The following HIVEP3 variants were observed in gnomAD, a reference collection of about 807,000 sequenced individuals.
HIVEP3 encodes the protein transcription factor HIVEP3.
In HIVEP3, 49 loss-of-function variants were observed where a neutral mutation model predicts 152.8. The ratio of observed to expected loss-of-function variants is 0.32; its 90% CI spans 0.26 to 0.41. The LOEUF is 0.41. Among genes scored for constraint, HIVEP3 ranks in the 10% least tolerant of loss-of-function variants. The pLI, the probability that HIVEP3 is intolerant of heterozygous loss-of-function variation, is 1.00. For missense variants in HIVEP3, 2,790 were observed against 3,103.3 expected (o/e 0.90, Z 2.40); for synonymous variants, 1,269 against 1,289.0 (o/e 0.98, Z 0.33).
Position 41,944,073 on chromosome 1 carries a change from T to C in HIVEP3, n.120-25549A>G, listed in dbSNP as rs1570832221. The stretch of plus-strand genomic sequence containing the variant: ...ATATGAGGTACTTAGAGTAATAAAA[T>C]TCATAGAGACAGAAAGTGGAATGAT... On this transcript the variant is annotated intron_variant and non_coding_transcript_variant, in intron 1 of 3. Transcript: ENST00000489103. Among the ~76,000 whole-genome samples, 5 of 152,270 alleles carry C rather than the reference T, an allele frequency of 3.3e-5. No homozygotes were observed. The South Asian group carries it at 1.0e-3, about 32-fold the overall frequency.
chr1:41,794,716 T>C (rs565479818), intron 1 of HIVEP3, among the ~76,000 whole-genome samples: 1 of 152,378 alleles, frequency 6.6e-6, no homozygotes, highest in South Asian at 2.1e-4. Flanking sequence ...AACTAAACTT[T>C]TCCCATGTTT....
chr1:41,850,628 C>T (rs552337619), intron 1 of HIVEP3, among the ~76,000 whole-genome samples: 2 of 152,304 alleles, frequency 1.3e-5, no homozygotes, highest in East Asian at 3.9e-4. Flanking sequence ...CCTTCTGGTC[C>T]TCCATGCCGA....
chr1:42,010,094 T>C (rs1645484559), intron 1 of HIVEP3, among the ~76,000 whole-genome samples: 1 of 152,040 alleles, frequency 6.6e-6, no homozygotes, highest in South Asian at 2.1e-4. Flanking sequence ...AGGATCTCAC[T>C]ATGTTGCCCA....
intron 2 of HIVEP3, among the ~76,000 whole-genome samples, chr1:41,660,185 G>A (rs921624867): frequency 1.3e-5 from 2 of 152,138 alleles, no homozygotes; most frequent in African/African-American, 2.4e-5. Context: ...GTGCACACAC[G>A]TGTGTATGTG....
At chr1:41,571,055 T>C (rs908247413) in intron 5 of HIVEP3, among the ~76,000 whole-genome samples, 2 of 152,044 alleles carry the variant, frequency 1.3e-5, no homozygotes, top group African/African-American at 4.8e-5. Flanking sequence ...TGAGGTGGGA[T>C]GGGAGCCAAT....
intron 1 of HIVEP3, among the ~76,000 whole-genome samples, chr1:41,851,469 AT>A (rs1218893763): frequency 6.6e-6 from 1 of 151,726 alleles, no homozygotes; most frequent in Non-Finnish European, 1.5e-5. Flanking sequence ...CACCTGGCTA[AT>A]TTTTGTATTT....
At chr1:41,944,991 C>A (rs1034445901) in intron 1 of HIVEP3, among the ~76,000 whole-genome samples, 8 of 152,128 alleles carry the variant, frequency 5.3e-5, no homozygotes, top group African/African-American at 1.9e-4. Flanking sequence ...GGGGGAGAAA[C>A]CTGACCTCCT....
chr1:41,987,120 G>A (rs2124513960), intron 1 of HIVEP3, among the ~76,000 whole-genome samples: 1 of 152,284 alleles, frequency 6.6e-6, no homozygotes, highest in African/African-American at 2.4e-5. Flanking sequence ...TACCAGGAAT[G>A]AGCAATGAAT....
In HIVEP3 at chr1:41,802,791, CT is replaced by C. The variant is rs141129944; in HGVS notation, c.-800-101797del. Among the ~76,000 whole-genome samples, 1,308 of 152,302 alleles carry C rather than the reference CT, an allele frequency of 8.6e-3. 17 individuals carry two copies. Among genetic ancestry groups the C allele is most frequent in the African/African-American group, 0.03 (1,233 of 41,548 alleles). ...TTTTTCTCTCTTCCTCCCTTCTGTC[CT>C]TACAATGACAGATGGTTCTTTCTTC... On this transcript the variant is annotated intron_variant, in intron 1 of 8. Transcript: ENST00000372583.
intron 6 of HIVEP3, among the ~76,000 whole-genome samples, chr1:41,519,110 A>T (rs536828750): frequency 6.6e-6 from 1 of 152,196 alleles, no homozygotes; most frequent in African/African-American, 2.4e-5. Flanking sequence ...AGGAGCCACA[A>T]GGCTGGGGGC....
At chr1:42,031,934 A>G (rs1180605876) in intron 1 of HIVEP3, among the ~76,000 whole-genome samples, 1 of 152,146 alleles carries the variant, frequency 6.6e-6, no homozygotes, top group African/African-American at 2.4e-5. Context: ...CCTGTTTTCC[A>G]GTCAATGTGG....
chr1:41,511,934 G>A lies in HIVEP3; in HGVS notation c.6406-668C>T, dbSNP rs1448484887. On this transcript the variant is annotated intron_variant, in intron 8 of 8. Transcript: ENST00000372583. This position sits in a 1 kb window ranked among gnomAD's most constrained non-coding sequence, Gnocchi z 4.9. ...TGTTGGTGCAATGGTGACAGTGGTG[G>A]TGCTGGCCATGGGGATAGTGCTGAT... Among the ~76,000 whole-genome samples the A allele has an allele frequency of 1.3e-5, 2 of 152,136 alleles. No individual in the cohort carries two copies. Among genetic ancestry groups the A allele is most frequent in the Non-Finnish European group, 2.9e-5 (2 of 68,020 alleles).
At chr1:41,628,403 C>G (rs1163505885) in intron 3 of HIVEP3, among the ~76,000 whole-genome samples, 1 of 152,160 alleles carries the variant, frequency 6.6e-6, no homozygotes, top group Non-Finnish European at 1.5e-5. Context: ...GTTGGACTGG[C>G]TTGTGGAGGC....
intron 1 of HIVEP3, among the ~76,000 whole-genome samples, chr1:41,786,326 T>G (rs891525710): frequency 9.2e-5 from 14 of 152,220 alleles, no homozygotes; most frequent in Non-Finnish European, 1.9e-4. Flanking sequence ...GAGTTTCTTG[T>G]CTTGTGATCT....
intron 3 of HIVEP3, among the ~76,000 whole-genome samples, chr1:41,605,085 A>G (rs1201847775): frequency 1.4e-5 from 2 of 142,340 alleles, no homozygotes; most frequent in Non-Finnish European, 3.1e-5. Context: ...AGTCTGGGTG[A>G]CAGAATGAGA....
At chr1:41,920,626 C>G (rs1338952844), upstream of HIVEP3, among the ~76,000 whole-genome samples, 1 of 148,314 alleles carries the variant, frequency 6.7e-6, no homozygotes, top group African/African-American at 2.5e-5. Flanking sequence ...TTACTAGATG[C>G]TGCTGTTTAT....
intron 3 of HIVEP3, among the ~76,000 whole-genome samples, chr1:41,606,055 C>A (rs1261416332): frequency 1.3e-5 from 2 of 151,978 alleles, no homozygotes; most frequent in Non-Finnish European, 2.9e-5. Flanking sequence ...TCTCTAAAAT[C>A]TGATGTCTTC....
intron 1 of HIVEP3, among the ~76,000 whole-genome samples, chr1:41,905,417 T>C (rs1001384888): frequency 1.3e-5 from 2 of 152,146 alleles, no homozygotes; most frequent in African/African-American, 2.4e-5. Flanking sequence ...ACAGTTCCAG[T>C]GCCATTATGA....
chr1:41,676,402 G>C (rs1371813547), intron 2 of HIVEP3, among the ~76,000 whole-genome samples: 1 of 152,064 alleles, frequency 6.6e-6, no homozygotes, highest in African/African-American at 2.4e-5. Context: ...GGGATGGCGG[G>C]GACAGTTTCC....
Sources: allele counts gnomAD v4.1 joint callset (sites outside exome capture counted in the v4.1 genomes callset), GRCh38; gene constraint gnomAD v4.1.1; non-coding constraint Gnocchi (gnomAD v3.1); transcripts MANE v1.5; gene names NCBI Gene and HGNC (gene_info 2026-07-23, HGNC 2026-07-21).